Variants in WASHC4 observed in about 807,000 individuals in gnomAD.
The protein encoded by WASHC4 is WASH complex subunit 7.
WASHC4 carries 86 observed loss-of-function variants against 166.6 expected under a neutral mutation model. The observed-to-expected ratio is 0.52, with a 90% CI of 0.43 to 0.62. WASHC4 has a LOEUF of 0.62. Among genes scored for constraint, WASHC4 ranks in the 20% least tolerant of loss-of-function variants. The pLI is 0.00. For synonymous variants in WASHC4, 446 were observed against 451.6 expected (o/e 0.99, Z 0.16); for missense variants, 1,262 against 1,382.4 (o/e 0.91, Z 1.38).
Position 105,133,866 on chromosome 12 carries a change from T to A in WASHC4, c.1296T>A (p.Asp432Glu). The change falls in exon 14 of 33, where the codon GAT becomes GAA. Residue 432 changes from aspartate to glutamate, a missense_variant. Physicochemically the swap from Asp to Glu is conservative, Grantham distance 45 (BLOSUM62 2). Transcript: ENST00000332180. The part of the protein sequence containing the change: ...KEQRMDKFAE[D>E]LTNRCNVFIQ... Reference sequence around the variant, plus strand: ...AGAGAATGGATAAATTTGCTGAAGATCTCACCAATAGATGTAATGTTTTTA... The same window carrying A: ...AGAGAATGGATAAATTTGCTGAAGAACTCACCAATAGATGTAATGTTTTTA... The A allele has an allele frequency of 1.9e-6, 3 of 1,612,310 alleles. No individual in the cohort carries two copies. The highest frequency in any genetic ancestry group is 2.5e-6 in the Non-Finnish European group (3 of 1,178,736).
At chr12:105,141,956 C>G (rs1882891009) in intron 18 of WASHC4, among the ~76,000 whole-genome samples, 2 of 148,058 alleles carry the variant, frequency 1.4e-5, no homozygotes, top group South Asian at 4.2e-4. Flanking sequence ...GTGAAATAGT[C>G]ACTTGGCAAA....
At chr12:105,110,229 C>T (rs921692407) in intron 1 of WASHC4, among the ~76,000 whole-genome samples, 3 of 152,190 alleles carry the variant, frequency 2.0e-5, no homozygotes, top group African/African-American at 7.2e-5. Flanking sequence ...TACTTTAATA[C>T]AGCATGAGTC....
chr12:105,141,281 A>C, intron 18 of WASHC4, 35 bp downstream of exon 18: 1 of 1,320,830 alleles, frequency 7.6e-7, no homozygotes, highest in Non-Finnish European at 1.1e-6. Flanking sequence ...GGTACTCCAA[A>C]GACAGGGTTA....
Position 105,141,054 on chromosome 12 carries a change from A to G in WASHC4, c.1707+9A>G. On this transcript the variant is annotated intron_variant, in intron 17 of 32. Transcript: ENST00000332180. ...GTGTTGGCACACAAATGGTAAGTGT[A>G]TTGCTATTACTTATGGAACAGAAAT... The G allele has an allele frequency of 6.2e-7, 1 of 1,614,024 alleles. No homozygotes were observed. The highest frequency in any genetic ancestry group is 1.3e-5 in the African/African-American group (1 of 75,014).
intron 15 of WASHC4, among the ~76,000 whole-genome samples, chr12:105,138,751 T>C (rs772283664): frequency 1.3e-5 from 2 of 152,182 alleles, no homozygotes; most frequent in African/African-American, 4.8e-5. Context: ...ATGATTTGTT[T>C]ATAGATATTT....
Position 105,157,202 on chromosome 12 carries a change from G to T in WASHC4, c.2826-34G>T. On this transcript the variant is annotated intron_variant, in intron 27 of 32. Coordinates refer to ENST00000332180, the MANE Select transcript of WASHC4 (RefSeq NM_015275.3). The stretch of plus-strand genomic sequence containing the variant: ...TGTGTCAATTGCACATATTTTACTT[G>T]ACCTAATAAATGCCTTCCCAAATTC... 4 of 1,070,776 alleles carry T rather than the reference G, an allele frequency of 3.7e-6. No homozygotes were observed. In the South Asian group the frequency reaches 3.8e-5, roughly 10 times the overall value. The allele number at this position is 1,070,776 out of a possible 1,614,324, so 66.3% of individuals were successfully genotyped here. A position where few individuals can be genotyped will look rare whatever the true frequency, so the allele number is the denominator to read the frequency against.
chr12:105,133,897 G>T lies in WASHC4; in HGVS notation c.1326+1G>T. The stretch of plus-strand genomic sequence containing the variant: ...CAATAGATGTAATGTTTTTATACAG[G>T]TAGTTGCATCTTATTTCGGGGAATC... On this transcript the variant is annotated splice_donor_variant, in intron 14 of 32. Transcript: ENST00000332180. LOFTEE classifies it high-confidence loss of function. 6.2e-7 allele frequency: 1 copy of T among 1,610,870 alleles called. No individual in the cohort carries two copies. Among genetic ancestry groups the T allele is most frequent in the Non-Finnish European group, 8.5e-7 (1 of 1,178,140 alleles).
intron 2 of WASHC4, among the ~76,000 whole-genome samples, chr12:105,112,684 T>C (rs1879809661): frequency 6.6e-6 from 1 of 152,218 alleles, no homozygotes; most frequent in Non-Finnish European, 1.5e-5. Context: ...CATGTGCTTA[T>C]GGCCATGTGT....
intron 25 of WASHC4, among the ~76,000 whole-genome samples, 176 bp from the exon 26 acceptor site, chr12:105,152,163 AAAAG>A (rs2135820766): frequency 6.6e-6 from 1 of 152,358 alleles, no homozygotes; most frequent in East Asian, 1.9e-4. Flanking sequence ...GCTAATGTCA[AAAAG>A]AAAAAAGTTA....
At chr12:105,108,286 G>T (rs1172691488) in intron 1 of WASHC4, among the ~76,000 whole-genome samples, 1 of 152,214 alleles carries the variant, frequency 6.6e-6, no homozygotes, top group Admixed American at 6.5e-5. Flanking sequence ...TCCTGTTTCG[G>T]TTTCCTGTTT....
At chr12:105,146,299 C>T (rs1394288200) in intron 22 of WASHC4, among the ~76,000 whole-genome samples, 153 bp from the exon 23 acceptor site, 1 of 152,054 alleles carries the variant, frequency 6.6e-6, no homozygotes, top group African/African-American at 2.4e-5. Flanking sequence ...CTTGATTTGT[C>T]TTTTAACGTT....
At chr12:105,163,160 G>A (rs532319575) in intron 30 of WASHC4, among the ~76,000 whole-genome samples, 1 of 151,954 alleles carries the variant, frequency 6.6e-6, no homozygotes, top group East Asian at 1.9e-4. Context: ...GGGTTTCACT[G>A]TGTTAGCCAG....
chr12:105,114,085 G>T, intron 2 of WASHC4, 131 bp from the exon 3 acceptor site: 18 of 700,934 alleles, frequency 2.6e-5, no homozygotes, highest in Admixed American at 5.0e-5. Context: ...TGAAGTAGTT[G>T]ATATGGTGCT....
At chr12:105,115,595 T>C in intron 5 of WASHC4, 66 bp from the exon 6 acceptor site, 1 of 1,219,342 alleles carries the variant, frequency 8.2e-7, no homozygotes, top group Non-Finnish European at 1.2e-6. Flanking sequence ...CTTTTCCCCC[T>C]TTTTTGGTAT....
chr12:105,124,137 G>C (rs1322422374), intron 10 of WASHC4, among the ~76,000 whole-genome samples: 1 of 121,690 alleles, frequency 8.2e-6, no homozygotes, highest in Non-Finnish European at 1.7e-5. Flanking sequence ...TTTTTTTTTC[G>C]AGACGGACTT....
In WASHC4 at chr12:105,125,967, G is replaced by T; in HGVS notation, c.787-37G>T. 4 of 1,590,798 alleles carry T rather than the reference G, an allele frequency of 2.5e-6. No individual in the cohort carries two copies. The South Asian group carries it at 3.3e-5, about 13-fold the overall frequency. On this transcript the variant is annotated intron_variant, in intron 10 of 32. Transcript: ENST00000332180. ...TTTAAATGTTTAATCGTTTATTATTGAGAGTCTGAATTTCTCTTTCAATGT... is the reference window on the plus strand; with the variant it reads ...TTTAAATGTTTAATCGTTTATTATTTAGAGTCTGAATTTCTCTTTCAATGT...
At chr12:105,155,848 A>G (rs1884124661) in intron 26 of WASHC4, among the ~76,000 whole-genome samples, 1 of 152,202 alleles carries the variant, frequency 6.6e-6, no homozygotes, top group Non-Finnish European at 1.5e-5. Flanking sequence ...TCTCAAAAAA[A>G]AGAAAAAGCA....
chr12:105,131,180 G>A (rs1164993964), intron 13 of WASHC4, among the ~76,000 whole-genome samples: 1 of 150,484 alleles, frequency 6.6e-6, no homozygotes, highest in Non-Finnish European at 1.5e-5. Context: ...TCCGCTTCCC[G>A]GGTTCACGCC....
chr12:105,144,254 G>GA (rs1472480476), intron 20 of WASHC4, 33 bp from the exon 21 acceptor site: 3 of 1,571,246 alleles, frequency 1.9e-6, no homozygotes, highest in Non-Finnish European at 2.6e-6. Context: ...ATATCATTTT[G>GA]AAAAATTAAA....
Sources: allele counts gnomAD v4.1 joint callset (sites outside exome capture counted in the v4.1 genomes callset), GRCh38; gene constraint gnomAD v4.1.1; transcripts MANE v1.5; gene names NCBI Gene and HGNC (gene_info 2026-07-23, HGNC 2026-07-21).